The following KCTD16 variants were observed in gnomAD, a reference collection of about 807,000 sequenced individuals.
KCTD16 encodes potassium channel tetramerization domain containing 16, also known as BTB/POZ domain-containing protein KCTD16.
In KCTD16, 13 loss-of-function variants were observed where a neutral mutation model predicts 33.2. The observed-to-expected ratio is 0.39, with a 90% CI of 0.25 to 0.62. KCTD16 has a LOEUF of 0.62. KCTD16 is among the 20% of genes least tolerant of loss of function. The probability of loss-of-function intolerance (pLI) is 0.50; values close to 1 mark genes in which losing one functional copy is unlikely to be tolerated. For synonymous variants in KCTD16, 197 were observed against 195.3 expected, an observed-to-expected ratio of 1.01 and a Z score of -0.07; for missense variants, 441 against 525.1, an observed-to-expected ratio of 0.84 and a Z score of 1.57.
intron 3 of KCTD16, among the ~76,000 whole-genome samples, chr5:144,385,863 C>A (rs1473454749): frequency 6.6e-6 from 1 of 152,002 alleles, no homozygotes; most frequent in African/African-American, 2.4e-5. Flanking sequence ...TCCTTTTTGG[C>A]CTAACAGGAC....
At chr5:144,363,000 C>T (rs1245228753) in intron 3 of KCTD16, among the ~76,000 whole-genome samples, 1 of 152,094 alleles carries the variant, frequency 6.6e-6, no homozygotes, top group Non-Finnish European at 1.5e-5. Context: ...TACGTTGTTC[C>T]TCCACTGAAA....
At chr5:144,369,777 T>C (rs943227198) in intron 3 of KCTD16, among the ~76,000 whole-genome samples, 3 of 152,138 alleles carry the variant, frequency 2.0e-5, no homozygotes, top group African/African-American at 7.2e-5. Flanking sequence ...TTCCCAGGTG[T>C]AAAATGAGTA....
At chr5:144,216,533 T>G (rs774899163) in intron 3 of KCTD16, among the ~76,000 whole-genome samples, 64 of 152,252 alleles carry the variant, frequency 4.2e-4, no homozygotes, top group Non-Finnish European at 7.9e-4. Context: ...TCATTGAACA[T>G]AATTTGGTGG....
intron 3 of KCTD16, among the ~76,000 whole-genome samples, chr5:144,442,273 A>G (rs1299418135): frequency 6.6e-6 from 1 of 152,026 alleles, no homozygotes; most frequent in African/African-American, 2.4e-5. Flanking sequence ...GAAGCTTTGG[A>G]CATGCTTTGA....
intron 3 of KCTD16, among the ~76,000 whole-genome samples, chr5:144,409,683 C>A (rs1752889508): frequency 6.6e-6 from 1 of 152,006 alleles, no homozygotes. Context: ...CATTGTGAAA[C>A]CCCATCTCTA....
intron 3 of KCTD16, among the ~76,000 whole-genome samples, chr5:144,459,824 C>CTTTTTTTTTTTTTTTTT (rs70995051): frequency 1.5e-5 from 1 of 66,754 alleles, no homozygotes; most frequent in Non-Finnish European, 2.6e-5. Context: ...CCAATATCAT[C>CTTTTTTTTTTTTTTTTT]TTTTTTTTTT....
chr5:144,305,069 C>G (rs1404446597), intron 3 of KCTD16, among the ~76,000 whole-genome samples: 1 of 146,960 alleles, frequency 6.8e-6, no homozygotes, highest in Non-Finnish European at 1.5e-5. Flanking sequence ...TCTGATTCAC[C>G]TGACATGTGG....
At chr5:144,292,706 C>G (rs930729103) in intron 3 of KCTD16, among the ~76,000 whole-genome samples, 1 of 152,098 alleles carries the variant, frequency 6.6e-6, no homozygotes, top group Non-Finnish European at 1.5e-5. Flanking sequence ...AGTGGTTTAT[C>G]AATGGAAAGA....
chr5:144,241,749 G>A (rs1156420380), intron 3 of KCTD16, among the ~76,000 whole-genome samples: 1 of 152,160 alleles, frequency 6.6e-6, no homozygotes, highest in Non-Finnish European at 1.5e-5. Context: ...ATTTCTGAAT[G>A]AGTGGATTAG....
chr5:144,187,532 C>T (rs1037666148), intron 2 of KCTD16, among the ~76,000 whole-genome samples: 4 of 152,122 alleles, frequency 2.6e-5, no homozygotes, highest in Admixed American at 1.3e-4. Flanking sequence ...CTTGGGTTCC[C>T]CCTTTTCCTC....
At chr5:144,400,312 G>A (rs1752674120) in intron 3 of KCTD16, among the ~76,000 whole-genome samples, 1 of 152,118 alleles carries the variant, frequency 6.6e-6, no homozygotes. Flanking sequence ...TGGAACAAGG[G>A]AGGAATCCAG....
intron 2 of KCTD16, among the ~76,000 whole-genome samples, chr5:144,200,031 A>G (rs923421894): frequency 6.6e-6 from 1 of 152,112 alleles, no homozygotes; most frequent in African/African-American, 2.4e-5. Context: ...TGTACCTACT[A>G]CAGAAATGTA....
chr5:144,223,105 G>A (rs1753813290), intron 3 of KCTD16, among the ~76,000 whole-genome samples: 1 of 152,052 alleles, frequency 6.6e-6, no homozygotes, highest in Admixed American at 6.6e-5. Flanking sequence ...AGAACACTTG[G>A]ACACAGGAAG....
intron 3 of KCTD16, among the ~76,000 whole-genome samples, chr5:144,232,324 A>C (rs1754129012): frequency 6.6e-6 from 1 of 152,238 alleles, no homozygotes; most frequent in Non-Finnish European, 1.5e-5. Context: ...TCAAATAACA[A>C]AGTTGCTAAT....
intron 3 of KCTD16, among the ~76,000 whole-genome samples, chr5:144,261,163 A>G (rs10039364): frequency 2.5e-4 from 36 of 142,990 alleles, no homozygotes; most frequent in Admixed American, 4.9e-4. Flanking sequence ...TTTGGGAACA[A>G]CAACAAAAAA....
chr5:144,392,255 AG>A (rs1451800994), intron 3 of KCTD16, among the ~76,000 whole-genome samples: 1 of 152,164 alleles, frequency 6.6e-6, no homozygotes, highest in Non-Finnish European at 1.5e-5. Flanking sequence ...CCATGAATTC[AG>A]GAAACATAAA....
At chr5:144,292,207 G>A (rs2126862991) in intron 3 of KCTD16, among the ~76,000 whole-genome samples, 1 of 152,308 alleles carries the variant, frequency 6.6e-6, no homozygotes, top group Non-Finnish European at 1.5e-5. Context: ...TGAGAGCATT[G>A]GCAGTGTTCC....
chr5:144,280,033 A>T (rs760764482), intron 3 of KCTD16, among the ~76,000 whole-genome samples: 63 of 152,158 alleles, frequency 4.1e-4, no homozygotes, highest in Non-Finnish European at 6.9e-4. Context: ...TTCTCAACCT[A>T]TACTTGTTTT....
intron 3 of KCTD16, among the ~76,000 whole-genome samples, chr5:144,343,532 T>C (rs945393733): frequency 3.3e-5 from 5 of 152,106 alleles, no homozygotes; most frequent in Non-Finnish European, 5.9e-5. Context: ...AAAAACCAGC[T>C]CCTGGATTCA....
Sources: allele counts gnomAD v4.1 joint callset (sites outside exome capture counted in the v4.1 genomes callset), GRCh38; gene constraint gnomAD v4.1.1; transcripts MANE v1.5; gene names NCBI Gene and HGNC (gene_info 2026-07-23, HGNC 2026-07-21).